ETV6: variants seen among roughly 807,000 people sequenced by gnomAD.
ETV6 encodes the protein transcription factor ETV6.
A neutral mutation model predicts 51.1 loss-of-function variants in ETV6; 16 were observed. The observed-to-expected ratio is 0.31, with a 90% CI of 0.21 to 0.48. ETV6 has a LOEUF of 0.48. Among genes scored for constraint, ETV6 ranks in the 20% least tolerant of loss-of-function variants. The probability of loss-of-function intolerance (pLI) is 0.99; values close to 1 mark genes in which losing one functional copy is unlikely to be tolerated. For synonymous variants in ETV6, 240 were observed against 224.1 expected, an observed-to-expected ratio of 1.07 and a Z score of -0.64; for missense variants, 458 against 594.8, an observed-to-expected ratio of 0.77 and a Z score of 2.39.
At chr12:11,770,770 C>T (rs3782139) in intron 2 of ETV6, among the ~76,000 whole-genome samples, 40,939 of 152,092 alleles carry the variant, frequency 0.27, 5,908 homozygotes, top group South Asian at 0.53. Flanking sequence ...AGTAACAGCA[C>T]GTGCCTGTGG....
intron 1 of ETV6, 129 bp downstream of exon 1, chr12:11,650,289 G>A (rs1863867026): frequency 6.3e-6 from 5 of 799,372 alleles, no homozygotes; most frequent in Middle Eastern, 6.9e-4. Flanking sequence ...TGGGGCGAGA[G>A]GGAAAGAGAT....
intron 1 of ETV6, among the ~76,000 whole-genome samples, chr12:11,707,736 A>G (rs1865099587): frequency 6.6e-6 from 1 of 152,214 alleles, no homozygotes; most frequent in Admixed American, 6.5e-5. Context: ...GCAAGTGGCC[A>G]AGGGGATCGG....
At chr12:11,886,972 G>C (rs2136604974) in intron 7 of ETV6, among the ~76,000 whole-genome samples, 1 of 152,294 alleles carries the variant, frequency 6.6e-6, no homozygotes, top group South Asian at 2.1e-4. Flanking sequence ...ATACAGGTAG[G>C]AAGTGATACC....
intron 2 of ETV6, among the ~76,000 whole-genome samples, chr12:11,802,144 A>T (rs1389402454): frequency 6.6e-6 from 1 of 151,980 alleles, no homozygotes; most frequent in Non-Finnish European, 1.5e-5. Flanking sequence ...ACCACTTAAA[A>T]CCTTCAGGGC....
chr12:11,682,351 C>G (rs191390309), intron 1 of ETV6, among the ~76,000 whole-genome samples: 1 of 152,054 alleles, frequency 6.6e-6, no homozygotes, highest in African/African-American at 2.4e-5. Flanking sequence ...GTTTGTTGAC[C>G]GCATAAATGT....
intron 2 of ETV6, among the ~76,000 whole-genome samples, chr12:11,758,588 A>T (rs1945038606): frequency 6.6e-6 from 1 of 152,006 alleles, no homozygotes; most frequent in Non-Finnish European, 1.5e-5. Flanking sequence ...TCCTACCCAC[A>T]TGTCTCTCCC....
intron 2 of ETV6, among the ~76,000 whole-genome samples, chr12:11,798,623 A>G (rs1031591882): frequency 2.0e-5 from 3 of 152,252 alleles, no homozygotes; most frequent in Admixed American, 6.5e-5. Flanking sequence ...ATAAAGAAAC[A>G]GCAGAAAAAA....
chr12:11,705,625 CATTAACAT>C (rs1445153508), intron 1 of ETV6, among the ~76,000 whole-genome samples: 2 of 152,168 alleles, frequency 1.3e-5, no homozygotes, highest in African/African-American at 4.8e-5. Flanking sequence ...TGACTTAATA[CATTAACAT>C]ATTAACAAAA....
chr12:11,732,143 C>T (rs1297366111), intron 1 of ETV6, among the ~76,000 whole-genome samples: 1 of 152,236 alleles, frequency 6.6e-6, no homozygotes, highest in African/African-American at 2.4e-5. Flanking sequence ...AAATCTTTAG[C>T]ATCACCTGGT....
At chr12:11,666,503 G>A (rs1465339049) in intron 1 of ETV6, among the ~76,000 whole-genome samples, 1 of 152,178 alleles carries the variant, frequency 6.6e-6, no homozygotes, top group Non-Finnish European at 1.5e-5. Context: ...TATTTAAAGA[G>A]GGCAGTCTTA....
At chr12:11,699,558 C>T (rs1864940409) in intron 1 of ETV6, among the ~76,000 whole-genome samples, 1 of 151,638 alleles carries the variant, frequency 6.6e-6, no homozygotes, top group Non-Finnish European at 1.5e-5. Flanking sequence ...TTGTGGAAAC[C>T]CAAAGAGCTA....
intron 7 of ETV6, among the ~76,000 whole-genome samples, chr12:11,887,754 A>G (rs1387044901): frequency 6.6e-6 from 1 of 151,654 alleles, no homozygotes; most frequent in African/African-American, 2.4e-5. Context: ...CTCAAGAAAA[A>G]AAAAAAAAAA....
intron 1 of ETV6, among the ~76,000 whole-genome samples, chr12:11,713,525 C>T (rs12302332): frequency 7.0e-4 from 107 of 152,270 alleles, no homozygotes; most frequent in African/African-American, 2.1e-3. Flanking sequence ...AGGGCCTTTG[C>T]GTGTGCTGTT....
rs1945703200 is a variant in ETV6, at chr12:11,798,106, CAAAT to C, written c.164-41031_164-41028del. Among the ~76,000 whole-genome samples the C allele has an allele frequency of 4.6e-5, 7 of 152,224 alleles. No individual in the cohort carries two copies. The South Asian group carries it at 1.5e-3, about 32-fold the overall frequency. On this transcript the variant is annotated intron_variant, in intron 2 of 7. Coordinates refer to ENST00000396373, the MANE Select transcript of ETV6 (RefSeq NM_001987.5). ...ATCCTTTGTACTGGGATTCCAAAGA[CAAAT>C]AAGATAGTTCTTGACCTCAAGGAAC... is the stretch of plus-strand genomic sequence containing the variant.
chr12:11,800,746 C>G (rs1020528237), intron 2 of ETV6, among the ~76,000 whole-genome samples: 1 of 150,450 alleles, frequency 6.6e-6, no homozygotes, highest in African/African-American at 2.5e-5. Flanking sequence ...GTTACCCCCC[C>G]AGAAAGGGGG....
At chr12:11,660,323 G>C (rs1864077619) in intron 1 of ETV6, among the ~76,000 whole-genome samples, 1 of 152,172 alleles carries the variant, frequency 6.6e-6, no homozygotes, top group Admixed American at 6.5e-5. Flanking sequence ...AGGGAGATGG[G>C]GCGGGGCGTG....
intron 1 of ETV6, among the ~76,000 whole-genome samples, chr12:11,722,553 G>T (rs1188516388): frequency 6.6e-6 from 1 of 152,160 alleles, no homozygotes; most frequent in African/African-American, 2.4e-5. Context: ...CGTTATGAAG[G>T]AGTTAAACTA....
intron 1 of ETV6, chr12:11,716,851 G>A (rs2120909523): frequency 6.6e-6 from 1 of 152,356 alleles, no homozygotes; most frequent in Non-Finnish European, 1.5e-5. Flanking sequence ...GAGCACCTCT[G>A]TGGCCTTCAA....
At chr12:11,840,226 G>A (rs1176621264) in intron 3 of ETV6, among the ~76,000 whole-genome samples, 1 of 152,166 alleles carries the variant, frequency 6.6e-6, no homozygotes, top group East Asian at 1.9e-4. Context: ...TCCTGATAAT[G>A]CATTAGAAGA....
Sources: gnomAD v4.1 joint callset for allele counts (sites outside exome capture counted in the v4.1 genomes callset) on GRCh38, gnomAD v4.1.1 for gene constraint, MANE v1.5 for transcripts, NCBI Gene and HGNC (gene_info 2026-07-23, HGNC 2026-07-21) for gene names.